MAP2: variants seen among roughly 807,000 people sequenced by gnomAD.
MAP2 encodes the protein microtubule-associated protein 2.
MAP2 carries 14 observed loss-of-function variants against 137.6 expected under a neutral mutation model. That is an observed-to-expected ratio of 0.10 (90% confidence interval 0.07 to 0.16). The LOEUF (loss-of-function observed/expected upper bound fraction) is 0.16, where lower values mean the gene tolerates loss of function less well. Among genes scored for constraint, MAP2 ranks in the 10% least tolerant of loss-of-function variants. The pLI is 1.00. For synonymous variants in MAP2, 786 were observed against 782.3 expected (o/e 1.00, Z -0.08); for missense variants, 2,088 against 2,191.5 (o/e 0.95, Z 0.94).
chr2:209,514,959 A>G (rs926037015), intron 2 of MAP2, among the ~76,000 whole-genome samples: 1 of 152,206 alleles, frequency 6.6e-6, no homozygotes, highest in Non-Finnish European at 1.5e-5. Context: ...TGAGTCATTC[A>G]TGTTGAAGAG....
At chr2:209,633,857 G>A (rs2153558280) in intron 4 of MAP2, among the ~76,000 whole-genome samples, 1 of 152,262 alleles carries the variant, frequency 6.6e-6, no homozygotes, top group South Asian at 2.1e-4. Flanking sequence ...GGCAAATGAA[G>A]AGGGCCTAGA....
At chr2:209,476,314 G>A (rs186398923) in intron 1 of MAP2, among the ~76,000 whole-genome samples, 5 of 151,742 alleles carry the variant, frequency 3.3e-5, no homozygotes, top group Non-Finnish European at 7.4e-5. Context: ...TCAGTAAACC[G>A]ACGCTGAAGA....
At chr2:209,510,184 A>G (rs1046173819) in intron 2 of MAP2, among the ~76,000 whole-genome samples, 2 of 151,878 alleles carry the variant, frequency 1.3e-5, no homozygotes, top group East Asian at 1.9e-4. Flanking sequence ...TAATACTGCT[A>G]CCAGCATTTT....
At position 209,565,444 on chromosome 2, in the gene MAP2, T is replaced by C. The variant is rs537186433; in HGVS notation, c.-171-14592T>C. 3.8e-4 allele frequency among the ~76,000 whole-genome samples: 58 copies of C among 152,176 alleles called. 2 individuals are homozygous for C. Among genetic ancestry groups the C allele is most frequent in the Admixed American group, 3.7e-3 (57 of 15,274 alleles). ...TATGTTGTCCAGGCTGGTTTTGAACTCCTGGGCTCAAGCGATCCTCCCACT... is the reference window on the plus strand; with the variant it reads ...TATGTTGTCCAGGCTGGTTTTGAACCCCTGGGCTCAAGCGATCCTCCCACT... On this transcript the variant is annotated intron_variant, in intron 2 of 15. Coordinates refer to ENST00000682079, the MANE Select transcript of MAP2 (RefSeq NM_001375505.1).
chr2:209,453,469 T>C (rs1256067024), intron 1 of MAP2, among the ~76,000 whole-genome samples: 2 of 152,176 alleles, frequency 1.3e-5, no homozygotes, highest in East Asian at 1.9e-4. Flanking sequence ...GATTGGAATG[T>C]ACAGTTTTAA....
At chr2:209,701,649 G>T (rs1193593730) in intron 11 of MAP2, among the ~76,000 whole-genome samples, 3 of 151,920 alleles carry the variant, frequency 2.0e-5, no homozygotes, top group Non-Finnish European at 4.4e-5. Flanking sequence ...TCATTTCTTT[G>T]ATCTTGAACC....
intron 5 of MAP2, among the ~76,000 whole-genome samples, chr2:209,667,715 A>G (rs2046959892): frequency 6.6e-6 from 1 of 151,996 alleles, no homozygotes; most frequent in Non-Finnish European, 1.5e-5. Flanking sequence ...ATCCTCAACA[A>G]GCCCCAAATG....
intron 2 of MAP2, among the ~76,000 whole-genome samples, chr2:209,547,358 A>G (rs1250220962): frequency 2.0e-5 from 3 of 152,092 alleles, no homozygotes; most frequent in Non-Finnish European, 4.4e-5. Flanking sequence ...TTGCCAAATA[A>G]AAGTCCCCAG....
chr2:209,588,788 TA>T (rs568706142), intron 3 of MAP2, among the ~76,000 whole-genome samples: 4 of 150,968 alleles, frequency 2.6e-5, no homozygotes, highest in South Asian at 2.1e-4. Context: ...TTCAGAGTCT[TA>T]AAAAAAAACC....
intron 2 of MAP2, among the ~76,000 whole-genome samples, chr2:209,554,965 A>G (rs2070206293): frequency 1.4e-5 from 2 of 148,138 alleles, no homozygotes; most frequent in Admixed American, 1.4e-4. Context: ...TTTTATATAT[A>G]TATATAATTT....
intron 2 of MAP2, among the ~76,000 whole-genome samples, chr2:209,571,417 A>C (rs2074377821): frequency 6.6e-6 from 1 of 151,984 alleles, no homozygotes; most frequent in African/African-American, 2.4e-5. Context: ...TATTAGTTTT[A>C]TCTGCTCTGG....
Position 209,677,994 on chromosome 2 carries a change from A to G in MAP2, c.263-578A>G, listed in dbSNP as rs192493662. 5.3e-3 allele frequency among the ~76,000 whole-genome samples: 801 copies of G among 152,112 alleles called. 14 individuals are homozygous for G. The highest frequency in any genetic ancestry group is 0.018 in the African/African-American group (750 of 41,540). On this transcript the variant is annotated intron_variant, in intron 5 of 15. Transcript: ENST00000682079. ...AGATTTTCAGATTTTAAATAATGGT[A>G]TTTCTGCAAATCAAGCACACAAGCT...
At position 209,730,441 on chromosome 2, in the gene MAP2, C is replaced by T. The variant is rs1034488825; in HGVS notation, c.*44C>T. 3.4e-6 allele frequency: 5 copies of T among 1,451,094 alleles called. No individual in the cohort carries two copies. In the African/African-American group the frequency reaches 5.6e-5, roughly 16 times the overall value. The allele number at this position is 1,451,094 out of a possible 1,614,324, so 89.9% of individuals were successfully genotyped here. A position where few individuals can be genotyped will look rare whatever the true frequency, so the allele number is the denominator to read the frequency against. The stretch of plus-strand genomic sequence containing the variant: ...TGAAATAATAATATTTAGGCATGAG[C>T]TCTTGGCAGGAGTGGGCTCTGAGCA... On this transcript the variant is annotated 3_prime_UTR_variant, in exon 16 of 16. Transcript: ENST00000682079.
chr2:209,513,865 C>G (rs1036550761), intron 2 of MAP2, among the ~76,000 whole-genome samples: 1 of 152,056 alleles, frequency 6.6e-6, no homozygotes, highest in Admixed American at 6.6e-5. Flanking sequence ...CAACCCCCTC[C>G]CCACCTCTCC....
At chr2:209,705,397 C>T (rs1402789431) in intron 11 of MAP2, 183 bp from the exon 12 acceptor site, 1 of 399,776 alleles carries the variant, frequency 2.5e-6, no homozygotes, top group African/African-American at 2.1e-5. Context: ...TACAAAACAT[C>T]TAGGCAAATA....
chr2:209,602,717 G>T (rs2083353193), intron 3 of MAP2, among the ~76,000 whole-genome samples: 2 of 152,176 alleles, frequency 1.3e-5, no homozygotes, highest in African/African-American at 4.8e-5. Context: ...TTCTGAGAAC[G>T]CTAGCGGATT....
intron 3 of MAP2, among the ~76,000 whole-genome samples, chr2:209,583,584 A>T (rs529310223): frequency 1.3e-5 from 2 of 152,144 alleles, no homozygotes; most frequent in East Asian, 3.9e-4. Flanking sequence ...TACCAATTCA[A>T]CCTCAAGGAC....
chr2:209,685,476 T>C (rs975412516), intron 7 of MAP2, among the ~76,000 whole-genome samples: 1 of 152,150 alleles, frequency 6.6e-6, no homozygotes, highest in Non-Finnish European at 1.5e-5. Context: ...CCATAAAGCA[T>C]AGCTTCCCTG....
intron 1 of MAP2, among the ~76,000 whole-genome samples, chr2:209,504,711 C>T (rs773290085): frequency 1.2e-4 from 18 of 152,158 alleles, no homozygotes; most frequent in Non-Finnish European, 2.5e-4. Flanking sequence ...GTTCAGCTTT[C>T]TGGCATTAAG....
Sources: allele counts gnomAD v4.1 joint callset (sites outside exome capture counted in the v4.1 genomes callset), GRCh38; gene constraint gnomAD v4.1.1; transcripts MANE v1.5; gene names NCBI Gene and HGNC (gene_info 2026-07-23, HGNC 2026-07-21).